The following JAZF1 variants were observed in gnomAD, a reference collection of about 807,000 sequenced individuals.
The protein encoded by JAZF1 is juxtaposed with another zinc finger protein 1.
JAZF1 carries 8 observed loss-of-function variants against 26.4 expected under a neutral mutation model. That is an observed-to-expected ratio of 0.30 (90% CI 0.18 to 0.55). The LOEUF is 0.55. Among genes scored for constraint, JAZF1 ranks in the 20% least tolerant of loss-of-function variants. JAZF1 has a pLI of 0.94. For missense variants in JAZF1, 199 were observed against 322.0 expected (o/e 0.62, Z 2.92); for synonymous variants, 126 against 122.3 (o/e 1.03, Z -0.20).
At chr7:28,013,985 C>A (rs1446694232) in intron 1 of JAZF1, among the ~76,000 whole-genome samples, 1 of 152,112 alleles carries the variant, frequency 6.6e-6, no homozygotes, top group Non-Finnish European at 1.5e-5. Context: ...CCAAAAGCAA[C>A]CAGTGGCAGA....
intron 2 of JAZF1, among the ~76,000 whole-genome samples, chr7:27,900,132 C>T (rs1583454547): frequency 6.6e-6 from 1 of 152,218 alleles, no homozygotes; most frequent in East Asian, 1.9e-4. Flanking sequence ...CTGTGCCCAC[C>T]TCCCAGAATT....
chr7:27,844,408 G>A (rs1220952023), intron 3 of JAZF1: 2 of 152,160 alleles, frequency 1.3e-5, no homozygotes, highest in African/African-American at 2.4e-5. Flanking sequence ...ACTCACTGCA[G>A]AATGAACAAA....
At chr7:28,118,792 AACAC>A (rs1554289665) in intron 1 of JAZF1, among the ~76,000 whole-genome samples, 2 of 139,094 alleles carry the variant, frequency 1.4e-5, no homozygotes, top group Non-Finnish European at 3.1e-5. Context: ...ACACACACAC[AACAC>A]ACACACACAC....
At chr7:28,002,861 G>A (rs1782626509) in intron 1 of JAZF1, among the ~76,000 whole-genome samples, 1 of 151,916 alleles carries the variant, frequency 6.6e-6, no homozygotes, top group Admixed American at 6.6e-5. Context: ...ACAGGATAAG[G>A]CTTCAGGAAG....
chr7:28,077,867 G>T (rs951631627), intron 1 of JAZF1, among the ~76,000 whole-genome samples: 1 of 152,174 alleles, frequency 6.6e-6, no homozygotes, highest in Non-Finnish European at 1.5e-5. Context: ...TGAGGAAGTG[G>T]TAATTTGGAT....
chr7:27,998,677 A>C (rs1786071759), intron 1 of JAZF1, among the ~76,000 whole-genome samples: 1 of 152,222 alleles, frequency 6.6e-6, no homozygotes, highest in Non-Finnish European at 1.5e-5. Context: ...TATGAGTTAA[A>C]TATCTAAAAG....
intron 2 of JAZF1, among the ~76,000 whole-genome samples, chr7:27,949,081 C>A (rs1784966501): frequency 6.6e-6 from 1 of 152,154 alleles, no homozygotes; most frequent in African/African-American, 2.4e-5. Flanking sequence ...TCAGTTACAC[C>A]CTTTGCATCC....
At chr7:28,051,109 G>A (rs1197854251) in intron 1 of JAZF1, among the ~76,000 whole-genome samples, 2 of 143,134 alleles carry the variant, frequency 1.4e-5, no homozygotes, top group African/African-American at 5.2e-5. Flanking sequence ...TCCAGCCCAG[G>A]CGATAGTGCA....
At chr7:27,939,293 T>G (rs1368281685) in intron 2 of JAZF1, among the ~76,000 whole-genome samples, 1 of 152,180 alleles carries the variant, frequency 6.6e-6, no homozygotes, top group Non-Finnish European at 1.5e-5. Flanking sequence ...GATGAACTGA[T>G]AGTCAGCTAA....
At chr7:27,891,735 G>GCTACACAGGAGGCTGACGTC (rs1783979612) in intron 3 of JAZF1, among the ~76,000 whole-genome samples, 4 of 152,016 alleles carry the variant, frequency 2.6e-5, no homozygotes, top group African/African-American at 9.7e-5. Context: ...AGGCTGACGT[G>GCTACACAGGAGGCTGACGTC]AGCTACACAG....
At chr7:28,157,183 T>C (rs1462792444) in intron 1 of JAZF1, among the ~76,000 whole-genome samples, 2 of 152,210 alleles carry the variant, frequency 1.3e-5, no homozygotes, top group Non-Finnish European at 2.9e-5. Flanking sequence ...ACTGATCTCC[T>C]CAGCACCCCC....
In JAZF1 at chr7:28,062,082, T is replaced by C. The variant is rs78588413; in HGVS notation, c.116-70101A>G. On this transcript the variant is annotated intron_variant, in intron 1 of 4. Transcript: ENST00000283928. Reference sequence around the variant, plus strand: ...ACCCTGCAAGAGAAATGAGCTCCTATTGATTTGTTTATAAATTATCACAAC... The same window carrying C: ...ACCCTGCAAGAGAAATGAGCTCCTACTGATTTGTTTATAAATTATCACAAC... Among the ~76,000 whole-genome samples, 1,479 of 152,316 alleles carry C rather than the reference T, an allele frequency of 9.7e-3. 24 individuals are homozygous for C. The highest frequency in any genetic ancestry group is 0.034 in the African/African-American group (1,418 of 41,562).
At chr7:27,928,498 A>T (rs571001311) in intron 2 of JAZF1, among the ~76,000 whole-genome samples, 27 of 152,346 alleles carry the variant, frequency 1.8e-4, no homozygotes, top group African/African-American at 6.5e-4. Flanking sequence ...AATTCTTAAA[A>T]GCTTGCTTTT....
At chr7:27,883,070 A>G (rs2128339837) in intron 3 of JAZF1, among the ~76,000 whole-genome samples, 1 of 152,326 alleles carries the variant, frequency 6.6e-6, no homozygotes, top group South Asian at 2.1e-4. Context: ...AAAATTACTG[A>G]GAAGTGTGCA....
intron 2 of JAZF1, among the ~76,000 whole-genome samples, chr7:27,979,824 G>A (rs924521575): frequency 6.6e-6 from 1 of 152,080 alleles, no homozygotes; most frequent in Non-Finnish European, 1.5e-5. Flanking sequence ...GAGATGCTAA[G>A]GTGTCCTTAT....
At chr7:27,993,887 A>T (rs11980128) in intron 1 of JAZF1, among the ~76,000 whole-genome samples, 4,025 of 152,198 alleles carry the variant, frequency 0.026, 205 homozygotes, top group African/African-American at 0.091. Context: ...CACCGTTAGG[A>T]GTCTAAAATT....
intron 1 of JAZF1, among the ~76,000 whole-genome samples, chr7:28,030,604 C>G (rs1301708625): frequency 2.6e-5 from 4 of 152,082 alleles, no homozygotes; most frequent in African/African-American, 9.7e-5. Context: ...TTTGCTTTAT[C>G]TATTTGTCAG....
At chr7:28,101,825 C>G (rs1784476066) in intron 1 of JAZF1, among the ~76,000 whole-genome samples, 1 of 151,878 alleles carries the variant, frequency 6.6e-6, no homozygotes, top group Admixed American at 6.6e-5. Context: ...AACAAACAAA[C>G]AAATAAACAA....
At chr7:28,141,608 A>G (rs915484116) in intron 1 of JAZF1, among the ~76,000 whole-genome samples, 2 of 152,222 alleles carry the variant, frequency 1.3e-5, no homozygotes, top group African/African-American at 4.8e-5. Flanking sequence ...AGACTAAACT[A>G]AAAAAGAAAA....
Sources: allele counts gnomAD v4.1 joint callset (sites outside exome capture counted in the v4.1 genomes callset), GRCh38; gene constraint gnomAD v4.1.1; transcripts MANE v1.5; gene names NCBI Gene and HGNC (gene_info 2026-07-23, HGNC 2026-07-21).